The following FAT3 variants were observed in gnomAD, a reference collection of about 807,000 sequenced individuals.
The protein encoded by FAT3 is FAT atypical cadherin 3, also known as protocadherin Fat 3.
Under a neutral mutation model 310.2 loss-of-function variants are expected in FAT3, and 95 were observed. That is an observed-to-expected ratio of 0.31 (90% CI 0.26 to 0.36). The LOEUF (loss-of-function observed/expected upper bound fraction) is 0.36, where lower values mean the gene tolerates loss of function less well. FAT3 is among the 10% of genes least tolerant of loss of function. The probability of loss-of-function intolerance (pLI) is 1.00; values close to 1 mark genes in which losing one functional copy is unlikely to be tolerated. For synonymous variants in FAT3, 2,314 were observed against 2,192.9 expected, an observed-to-expected ratio of 1.06 and a Z score of -1.54; for missense variants, 5,408 against 5,715.6, an observed-to-expected ratio of 0.95 and a Z score of 1.74.
chr11:92,309,481 A>G (rs1335031928), intron 1 of FAT3, among the ~76,000 whole-genome samples: 1 of 151,996 alleles, frequency 6.6e-6, no homozygotes, highest in Non-Finnish European at 1.5e-5. Flanking sequence ...GGATCGTTCA[A>G]ACTTAAAACG....
chr11:92,482,641 G>A lies in FAT3; in HGVS notation c.3293-41993G>A, dbSNP rs774538427. ...ACATGCTTTCTCTTTTCTCAGCTCC[G>A]CATCCCTCTCAGCTCTGCAGTTCTG... On this transcript the variant is annotated intron_variant, in intron 2 of 27. Transcript: ENST00000525166. Among the ~76,000 whole-genome samples the A allele has an allele frequency of 5.0e-4, 76 of 152,054 alleles. 1 individual carries two copies. Among genetic ancestry groups the A allele is most frequent in the Non-Finnish European group, 9.0e-4 (61 of 67,990 alleles).
intron 2 of FAT3, among the ~76,000 whole-genome samples, chr11:92,474,324 A>C (rs900611573): frequency 2.0e-5 from 3 of 152,222 alleles, no homozygotes; most frequent in Non-Finnish European, 4.4e-5. Context: ...GGTGATATAC[A>C]AATATGTTGC....
chr11:92,393,742 G>A (rs1949799116), intron 2 of FAT3, among the ~76,000 whole-genome samples: 1 of 152,098 alleles, frequency 6.6e-6, no homozygotes, highest in Non-Finnish European at 1.5e-5. Flanking sequence ...CTAATCTACT[G>A]GCTCGTTAGT....
chr11:92,654,430 CG>C (rs1357465483), intron 3 of FAT3, among the ~76,000 whole-genome samples: 1 of 152,150 alleles, frequency 6.6e-6, no homozygotes, highest in Non-Finnish European at 1.5e-5. Flanking sequence ...TTCTCTCTAC[CG>C]GGTCCTCTTA....
At chr11:92,249,215 A>G (rs140369679) in intron 1 of FAT3, among the ~76,000 whole-genome samples, 2,806 of 152,262 alleles carry the variant, frequency 0.018, 40 homozygotes, top group Non-Finnish European at 0.028. Context: ...AACAGACGTC[A>G]TTACCTCAGA....
intron 7 of FAT3, among the ~76,000 whole-genome samples, chr11:92,779,195 A>G (rs573179758): frequency 1.3e-5 from 2 of 152,248 alleles, no homozygotes; most frequent in Non-Finnish European, 2.9e-5. Flanking sequence ...GAGCAGGAAT[A>G]ATGAAATGCC....
intron 1 of FAT3, among the ~76,000 whole-genome samples, chr11:92,323,476 C>T (rs935752702): frequency 1.1e-4 from 17 of 151,986 alleles, no homozygotes; most frequent in African/African-American, 4.1e-4. Context: ...TGGTCTCAAA[C>T]TCCTAAGTTC....
rs1459489944 is a variant in FAT3 at position 92,306,480 on chromosome 11, A to ATATATATATTTATATTATATATGT, written c.-17-45545_-17-45522dup. 2.0e-4 allele frequency among the ~76,000 whole-genome samples: 26 copies of ATATATATATTTATATTATATATGT among 130,052 alleles called. 1 individual carries two copies. Among genetic ancestry groups the ATATATATATTTATATTATATATGT allele is most frequent in the African/African-American group, 7.2e-4 (24 of 33,506 alleles). The allele number at this position is 130,052 out of a possible 152,430, so 85.3% of individuals were successfully genotyped here. A position where few individuals can be genotyped will look rare whatever the true frequency, so the allele number is the denominator to read the frequency against. ...CTCCACTTTATATATATATAAACTT[A>ATATATATATTTATATTATATATGT]TATATATATTTATATTATATATGTT... is the stretch of plus-strand genomic sequence containing the variant. On this transcript the variant is annotated intron_variant, in intron 1 of 27. Coordinates refer to ENST00000525166, the MANE Select transcript of FAT3 (RefSeq NM_001367949.2).
chr11:92,491,554 A>G (rs1397285035), intron 2 of FAT3, among the ~76,000 whole-genome samples: 1 of 152,058 alleles, frequency 6.6e-6, no homozygotes, highest in South Asian at 2.1e-4. Flanking sequence ...AGAGTATGGC[A>G]TTTGAAAAAG....
chr11:92,325,237 C>T (rs1172291236), intron 1 of FAT3, among the ~76,000 whole-genome samples: 1 of 152,212 alleles, frequency 6.6e-6, no homozygotes, highest in African/African-American at 2.4e-5. Flanking sequence ...GAAGACACCA[C>T]TTCTCTGGTT....
chr11:92,801,338 C>G lies in FAT3; in HGVS notation c.8325C>G (p.Thr2775=). 1 of 1,613,974 alleles carries G rather than the reference C, an allele frequency of 6.2e-7. No individual in the cohort carries two copies. Among genetic ancestry groups the G allele is most frequent in the Non-Finnish European group, 8.5e-7 (1 of 1,179,876 alleles). ...TTGACAAACGCCTTGACCGTGAAAC[C>G]AGCCCAGCTTTCCACTTTAAAGTAG... ...IKLDKRLDRE[T]SPAFHFKVAA... is the part of the protein sequence containing the mutation. The change falls in exon 10 of 28, where the codon ACC becomes ACG. Residue 2775 remains threonine, a synonymous_variant. Coordinates refer to ENST00000525166, the MANE Select transcript of FAT3 (RefSeq NM_001367949.2).
At chr11:92,579,863 C>T (rs1375248450) in intron 3 of FAT3, among the ~76,000 whole-genome samples, 1 of 152,002 alleles carries the variant, frequency 6.6e-6, no homozygotes, top group African/African-American at 2.4e-5. Flanking sequence ...TAATTGAATG[C>T]CTCCTTTAAA....
intron 11 of FAT3, 147 bp from the exon 12 acceptor site, chr11:92,806,215 T>C (rs987831830): frequency 1.6e-5 from 11 of 671,130 alleles, no homozygotes; most frequent in Non-Finnish European, 2.8e-5. Flanking sequence ...TCATAATATA[T>C]TGAAATATGT....
At chr11:92,398,317 A>G (rs1949927593) in intron 2 of FAT3, among the ~76,000 whole-genome samples, 1 of 151,994 alleles carries the variant, frequency 6.6e-6, no homozygotes, top group South Asian at 2.1e-4. Flanking sequence ...CCTGGCCAAC[A>G]TGGCAAAACT....
chr11:92,613,554 A>G (rs969246008), intron 3 of FAT3, among the ~76,000 whole-genome samples: 2 of 152,168 alleles, frequency 1.3e-5, no homozygotes, highest in African/African-American at 2.4e-5. Context: ...ATATGTATGC[A>G]TATTTAATAA....
At chr11:92,255,654 T>C (rs1865288917) in intron 1 of FAT3, among the ~76,000 whole-genome samples, 1 of 152,132 alleles carries the variant, frequency 6.6e-6, no homozygotes. Flanking sequence ...GCTGCTGTGA[T>C]GTTGGAATTT....
intron 1 of FAT3, among the ~76,000 whole-genome samples, chr11:92,260,764 G>T (rs571869412): frequency 4.5e-4 from 68 of 152,178 alleles, no homozygotes; most frequent in Middle Eastern, 3.4e-3. Flanking sequence ...GTACCTGAGG[G>T]GGTATGTATA....
chr11:92,705,770 G>A (rs1430292417), intron 4 of FAT3, among the ~76,000 whole-genome samples: 7 of 62,244 alleles, frequency 1.1e-4, no homozygotes, highest in Non-Finnish European at 2.2e-4. Flanking sequence ...ATGGTGTGAT[G>A]GTGGTGGTGA....
intron 2 of FAT3, among the ~76,000 whole-genome samples, chr11:92,434,133 C>A (rs747411653): frequency 3.9e-4 from 59 of 151,870 alleles, no homozygotes; most frequent in Non-Finnish European, 7.5e-4. Context: ...CTTAGTTAAT[C>A]CACCATGAGG....
Sources: gnomAD v4.1 joint callset for allele counts (sites outside exome capture counted in the v4.1 genomes callset) on GRCh38, gnomAD v4.1.1 for gene constraint, MANE v1.5 for transcripts, NCBI Gene and HGNC (gene_info 2026-07-23, HGNC 2026-07-21) for gene names.